The following DLC1 variants were observed in gnomAD, a reference collection of about 807,000 sequenced individuals.
DLC1 encodes DLC1 Rho GTPase activating protein.
DLC1 carries 54 observed loss-of-function variants against 140.3 expected under a neutral mutation model. That is an observed-to-expected ratio of 0.38 (90% CI 0.31 to 0.48). The LOEUF (loss-of-function observed/expected upper bound fraction) is 0.48, where lower values mean the gene tolerates loss of function less well. Ranked by LOEUF, DLC1 falls within the 20% of genes least tolerant of loss-of-function variation. DLC1 has a pLI of 0.96. For synonymous variants in DLC1, 986 were observed against 728.1 expected (o/e 1.35, Z -5.70); for missense variants, 2,536 against 1,907.0 (o/e 1.33, Z -6.14).
chr8:13,591,442 C>G (rs923249551), intron 1 of DLC1, among the ~76,000 whole-genome samples: 2 of 152,088 alleles, frequency 1.3e-5, no homozygotes, highest in African/African-American at 2.4e-5. Context: ...CGCCTTCTCT[C>G]TCCTGCCACC....
At chr8:13,583,760 A>G (rs532554621) in intron 1 of DLC1, 2 of 152,382 alleles carry the variant, frequency 1.3e-5, no homozygotes, top group South Asian at 2.1e-4. Flanking sequence ...TCTGAGTTCA[A>G]TGTCTTTGGA....
intron 1 of DLC1, among the ~76,000 whole-genome samples, chr8:13,550,234 C>A (rs1411653642): frequency 6.6e-6 from 1 of 152,012 alleles, no homozygotes; most frequent in Non-Finnish European, 1.5e-5. Flanking sequence ...CTCGAAAGAT[C>A]TGATGGTTTT....
intron 2 of DLC1, among the ~76,000 whole-genome samples, chr8:13,487,660 C>T (rs1801033304): frequency 6.6e-6 from 1 of 151,876 alleles, no homozygotes; most frequent in African/African-American, 2.4e-5. Flanking sequence ...TGCAACCTCC[C>T]CAACCCGGGT....
chr8:13,319,486 G>C (rs1262697954), intron 4 of DLC1, among the ~76,000 whole-genome samples: 1 of 99,900 alleles, frequency 1.0e-5, no homozygotes, highest in African/African-American at 3.6e-5. Context: ...GGGGGGGGGG[G>C]TGGATTTCCC....
At chr8:13,153,190 G>A (rs757558886) in intron 5 of DLC1, among the ~76,000 whole-genome samples, 1 of 152,168 alleles carries the variant, frequency 6.6e-6, no homozygotes, top group East Asian at 1.9e-4. Flanking sequence ...CTGGTGTTCT[G>A]ACGTGTTCAG....
chr8:13,168,820 G>A (rs1585826272), intron 5 of DLC1, among the ~76,000 whole-genome samples: 2 of 152,218 alleles, frequency 1.3e-5, no homozygotes, highest in Non-Finnish European at 2.9e-5. Flanking sequence ...ATATCTATCT[G>A]TGTTCCTAAA....
At position 13,094,760 on chromosome 8, in the gene DLC1, T is replaced by A. The variant is rs1485629588; in HGVS notation, c.3525A>T (p.Gln1175His). 3 of 1,614,172 alleles carry A rather than the reference T, an allele frequency of 1.9e-6. No individual in the cohort carries two copies. The highest frequency in any genetic ancestry group is 2.5e-6 in the Non-Finnish European group (3 of 1,180,014). The change falls in exon 12 of 18, where the codon CAA becomes CAT. Residue 1175 changes from glutamine (Q) to histidine (H), a missense_variant and splice_region_variant. By Grantham distance (24) the Gln-to-His change is conservative. Coordinates refer to ENST00000276297, the MANE Select transcript of DLC1 (RefSeq NM_182643.3). ...ATCTTAAGATCAAAGGACACTCACA[T>A]TGGTAGATCTGTAGAAAGGTTTCCG... ...KLSETFLQIY[Q>H]YVPKDQRLQA... is the part of the protein sequence containing the mutation.
chr8:13,489,576 T>C (rs1801142924), intron 2 of DLC1, among the ~76,000 whole-genome samples: 1 of 66,912 alleles, frequency 1.5e-5, no homozygotes, highest in Admixed American at 1.2e-4. Flanking sequence ...AATCCTGTTA[T>C]ACAAATGAAA....
chr8:13,301,224 A>C (rs1832178948), intron 5 of DLC1, among the ~76,000 whole-genome samples: 1 of 118,068 alleles, frequency 8.5e-6, no homozygotes, highest in Admixed American at 8.5e-5. Context: ...TCTAATAGAC[A>C]AAAAAAAAAA....
chr8:13,211,308 C>T (rs754755036), intron 5 of DLC1, among the ~76,000 whole-genome samples: 11 of 152,114 alleles, frequency 7.2e-5, no homozygotes, highest in Non-Finnish European at 1.3e-4. Flanking sequence ...TGCTACTTTG[C>T]CTAGGGGTAG....
intron 2 of DLC1, among the ~76,000 whole-genome samples, chr8:13,454,890 GA>G (rs1480798835): frequency 5.3e-5 from 8 of 152,098 alleles, no homozygotes; most frequent in Non-Finnish European, 1.2e-4. Context: ...GCAGTATTGG[GA>G]CCATTTGTTG....
chr8:13,207,989 T>A (rs1827756580), intron 5 of DLC1, among the ~76,000 whole-genome samples: 1 of 152,220 alleles, frequency 6.6e-6, no homozygotes, highest in African/African-American at 2.4e-5. Flanking sequence ...GTTGAGATTC[T>A]ATTTGGTTCA....
rs556903923 is a variant in DLC1, at chr8:13,236,330, G to A, written c.1348+68939C>T. ...ATTTCTTTTAACAATCTTAGTTCAAGTTGATTATCTGACGTCAGTGAATAG... is the reference window on the plus strand; with the variant it reads ...ATTTCTTTTAACAATCTTAGTTCAAATTGATTATCTGACGTCAGTGAATAG... On this transcript the variant is annotated intron_variant, in intron 5 of 17. Coordinates refer to ENST00000276297, the MANE Select transcript of DLC1 (RefSeq NM_182643.3). Among the ~76,000 whole-genome samples, 444 of 152,084 alleles carry A rather than the reference G, an allele frequency of 2.9e-3. 1 individual carries two copies. The highest frequency in any genetic ancestry group is 4.0e-3 in the Non-Finnish European group (274 of 67,910).
chr8:13,553,206 A>ATATATATATATATATATATG (rs1803922930), intron 1 of DLC1, among the ~76,000 whole-genome samples: 1 of 48,948 alleles, frequency 2.0e-5, no homozygotes, highest in Non-Finnish European at 3.7e-5. Context: ...CAGCTGTCAT[A>ATATATATATATATATATATG]TATATATATA....
intron 5 of DLC1, among the ~76,000 whole-genome samples, chr8:13,241,198 C>T (rs17188985): frequency 2.6e-5 from 4 of 152,188 alleles, no homozygotes; most frequent in South Asian, 2.1e-4. Context: ...CCTATATGTA[C>T]ACTTTGATCT....
At chr8:13,172,977 A>T (rs1298549893) in intron 5 of DLC1, among the ~76,000 whole-genome samples, 1 of 152,204 alleles carries the variant, frequency 6.6e-6, no homozygotes, top group Non-Finnish European at 1.5e-5. Flanking sequence ...TAGGGTGTAT[A>T]AAATGTTTTC....
chr8:13,280,972 T>C (rs764340637), intron 5 of DLC1, among the ~76,000 whole-genome samples: 2 of 152,134 alleles, frequency 1.3e-5, no homozygotes, highest in Non-Finnish European at 2.9e-5. Flanking sequence ...GCATAATATA[T>C]CTCCCTAAAA....
chr8:13,368,560 T>G (rs1835597153), intron 4 of DLC1, among the ~76,000 whole-genome samples: 1 of 151,976 alleles, frequency 6.6e-6, no homozygotes, highest in African/African-American at 2.4e-5. Context: ...AAAAAAGTTC[T>G]TACAGAATGC....
intron 5 of DLC1, among the ~76,000 whole-genome samples, chr8:13,202,769 C>A (rs1231505410): frequency 6.6e-6 from 1 of 151,860 alleles, no homozygotes; most frequent in Non-Finnish European, 1.5e-5. Context: ...GACTTCCCAG[C>A]CCCAGGTGAT....
Sources: allele counts gnomAD v4.1 joint callset (sites outside exome capture counted in the v4.1 genomes callset), GRCh38; gene constraint gnomAD v4.1.1; transcripts MANE v1.5; gene names NCBI Gene and HGNC (gene_info 2026-07-23, HGNC 2026-07-21).